Variants in NRG3 observed in about 807,000 individuals in gnomAD.
NRG3 encodes neuregulin 3.
NRG3 carries 31 observed loss-of-function variants against 66.9 expected under a neutral mutation model. That is an observed-to-expected ratio of 0.46 (90% CI 0.35 to 0.63). The LOEUF (loss-of-function observed/expected upper bound fraction) is 0.63, where lower values mean the gene tolerates loss of function less well. NRG3 is among the 20% of genes least tolerant of loss of function. The pLI, the probability that NRG3 is intolerant of heterozygous loss-of-function variation, is 0.00. For missense variants in NRG3, 910 were observed against 878.9 expected (o/e 1.04, Z -0.45); for synonymous variants, 393 against 359.4 (o/e 1.09, Z -1.06).
At chr10:82,152,554 T>C (rs1397966915) in intron 1 of NRG3, among the ~76,000 whole-genome samples, 1 of 152,110 alleles carries the variant, frequency 6.6e-6, no homozygotes, top group Non-Finnish European at 1.5e-5. Context: ...AGCTCTGTGA[T>C]ATCAAGAGAC....
chr10:82,709,366 G>GGT (rs780361114), intron 2 of NRG3, among the ~76,000 whole-genome samples: 1,525 of 146,576 alleles, frequency 0.01, 13 homozygotes, highest in African/African-American at 0.026. Context: ...GTTTTTTTTT[G>GGT]TTTTTGTTTT....
At chr10:82,010,920 C>T (rs559092790) in intron 1 of NRG3, among the ~76,000 whole-genome samples, 9 of 152,264 alleles carry the variant, frequency 5.9e-5, no homozygotes, top group East Asian at 1.9e-4. Context: ...ACACATGAGA[C>T]GCTTCTTAAG....
chr10:82,584,725 G>A (rs2046561891), intron 2 of NRG3, among the ~76,000 whole-genome samples: 4 of 152,038 alleles, frequency 2.6e-5, no homozygotes, highest in Admixed American at 2.6e-4. Context: ...TTTGGAGAAG[G>A]GCACTCAGGT....
intron 2 of NRG3, among the ~76,000 whole-genome samples, chr10:82,582,662 TTGTG>T (rs141112949): frequency 0.039 from 5,690 of 146,418 alleles, 273 homozygotes; most frequent in African/African-American, 0.12. Flanking sequence ...TCTATATGTG[TTGTG>T]TGTGTGTGTG....
intron 1 of NRG3, among the ~76,000 whole-genome samples, chr10:82,147,109 A>G (rs931361904): frequency 3.9e-5 from 6 of 152,314 alleles, no homozygotes; most frequent in Middle Eastern, 3.4e-3. Flanking sequence ...GGTCATCACT[A>G]TTTCCATTGG....
chr10:82,166,641 T>C (rs2072079802), intron 1 of NRG3: 2 of 368,704 alleles, frequency 5.4e-6, no homozygotes, highest in Non-Finnish European at 9.6e-6. Context: ...TGTCTATATA[T>C]ACACACATAT....
chr10:82,374,637 G>C (rs2085094670), intron 2 of NRG3, among the ~76,000 whole-genome samples: 1 of 152,248 alleles, frequency 6.6e-6, no homozygotes, highest in East Asian at 1.9e-4. Context: ...GTCTGGGGTG[G>C]GGCCTGGGGT....
chr10:82,984,329 A>G (rs1249866712), intron 8 of NRG3, among the ~76,000 whole-genome samples: 1 of 152,182 alleles, frequency 6.6e-6, no homozygotes, highest in Non-Finnish European at 1.5e-5. Context: ...GGCATTCTTG[A>G]CAAGCCCTTG....
chr10:82,761,990 T>G (rs969531555), intron 3 of NRG3, among the ~76,000 whole-genome samples: 1 of 148,586 alleles, frequency 6.7e-6, no homozygotes, highest in African/African-American at 2.5e-5. Context: ...TCTTTCTTCT[T>G]TCTTTTCCTT....
chr10:82,660,394 A>T (rs1283694578), intron 2 of NRG3, among the ~76,000 whole-genome samples: 1 of 152,018 alleles, frequency 6.6e-6, no homozygotes, highest in African/African-American at 2.4e-5. Context: ...ATGAAAGCTG[A>T]ATCTCTGTAG....
In NRG3 at chr10:82,170,696, A is replaced by G. The variant is rs1292198879; in HGVS notation, c.824-188043A>G. Among the ~76,000 whole-genome samples, 30 of 129,424 alleles carry G rather than the reference A, an allele frequency of 2.3e-4. 1 individual carries two copies. The highest frequency in any genetic ancestry group is 8.3e-4 in the African/African-American group (29 of 34,740). The allele number at this position is 129,424 out of a possible 152,430, so 84.9% of individuals were successfully genotyped here. On this transcript the variant is annotated intron_variant, in intron 1 of 8. Transcript: ENST00000372141. Reference sequence around the variant, plus strand: ...TATATATATATATATATATATATATATGTAAATATATATAGGTATATAATA... The same window carrying G: ...TATATATATATATATATATATATATGTGTAAATATATATAGGTATATAATA...
intron 1 of NRG3, among the ~76,000 whole-genome samples, chr10:82,199,310 A>G (rs764485081): frequency 2.6e-5 from 4 of 152,212 alleles, no homozygotes; most frequent in South Asian, 2.1e-4. Flanking sequence ...TCTCAAACCT[A>G]AACCAAAAAT....
chr10:82,499,918 T>A (rs1416379267), intron 2 of NRG3, among the ~76,000 whole-genome samples: 1 of 152,188 alleles, frequency 6.6e-6, no homozygotes, highest in Admixed American at 6.5e-5. Context: ...TTAAATAGAA[T>A]GAAGACTAGA....
intron 2 of NRG3, among the ~76,000 whole-genome samples, chr10:82,541,393 G>A (rs151177000): frequency 0.012 from 1,772 of 152,136 alleles, 17 homozygotes; most frequent in Middle Eastern, 0.068. Flanking sequence ...GAGCATCGGC[G>A]GGCTCACGTC....
chr10:82,331,182 T>A (rs1438958836), intron 1 of NRG3, among the ~76,000 whole-genome samples: 1 of 152,216 alleles, frequency 6.6e-6, no homozygotes, highest in Non-Finnish European at 1.5e-5. Flanking sequence ...ACCCATGCTC[T>A]TTTCCTCAAT....
At chr10:82,609,116 T>C (rs894174536) in intron 2 of NRG3, among the ~76,000 whole-genome samples, 3 of 152,192 alleles carry the variant, frequency 2.0e-5, no homozygotes, top group Non-Finnish European at 2.9e-5. Context: ...CCATATGTGA[T>C]TGACAAATTT....
chr10:82,478,098 C>T (rs1841949784), intron 2 of NRG3, among the ~76,000 whole-genome samples: 1 of 152,086 alleles, frequency 6.6e-6, no homozygotes, highest in African/African-American at 2.4e-5. Context: ...TTACGAATCC[C>T]TTTACTACCA....
At chr10:82,879,868 A>T (rs758067433) in intron 4 of NRG3, among the ~76,000 whole-genome samples, 1 of 151,940 alleles carries the variant, frequency 6.6e-6, no homozygotes. Flanking sequence ...CAGGATTGGA[A>T]CACAGCTTAG....
At chr10:82,237,910 A>C (rs1206174140) in intron 1 of NRG3, among the ~76,000 whole-genome samples, 2 of 152,168 alleles carry the variant, frequency 1.3e-5, no homozygotes, top group African/African-American at 4.8e-5. Flanking sequence ...AGCTTGGAGA[A>C]TTCTCTTTGA....
Sources: allele counts gnomAD v4.1 joint callset (sites outside exome capture counted in the v4.1 genomes callset), GRCh38; gene constraint gnomAD v4.1.1; transcripts MANE v1.5; gene names NCBI Gene and HGNC (gene_info 2026-07-23, HGNC 2026-07-21).